HS6ST3: variants seen among roughly 807,000 people sequenced by gnomAD.
HS6ST3 encodes the protein heparan sulfate 6-O-sulfotransferase 3, also known as heparan-sulfate 6-O-sulfotransferase 3.
Under a neutral mutation model 36.7 loss-of-function variants are expected in HS6ST3, and 12 were observed. The observed-to-expected ratio is 0.33, with a 90% CI of 0.21 to 0.53. The LOEUF is 0.53. Among genes scored for constraint, HS6ST3 ranks in the 20% least tolerant of loss-of-function variants. The pLI, the probability that HS6ST3 is intolerant of heterozygous loss-of-function variation, is 0.95. For synonymous variants in HS6ST3, 240 were observed against 257.5 expected (o/e 0.93, Z 0.65); for missense variants, 584 against 640.9 (o/e 0.91, Z 0.96).
intron 1 of HS6ST3, among the ~76,000 whole-genome samples, chr13:96,625,840 C>T (rs1031266470): frequency 8.5e-5 from 12 of 141,722 alleles, no homozygotes; most frequent in Non-Finnish European, 1.4e-4. Flanking sequence ...AATTCTTCTT[C>T]TTTTTTTTTT....
At chr13:96,360,189 G>A (rs2055230789) in intron 1 of HS6ST3, among the ~76,000 whole-genome samples, 1 of 152,050 alleles carries the variant, frequency 6.6e-6, no homozygotes, top group Admixed American at 6.6e-5. Context: ...ACAGCAGCAG[G>A]GGACCTTCCT....
chr13:96,535,483 G>A (rs1255924263), intron 1 of HS6ST3, among the ~76,000 whole-genome samples: 3 of 149,230 alleles, frequency 2.0e-5, no homozygotes, highest in East Asian at 2.0e-4. Context: ...TCTTGAACCC[G>A]GGAGATGGAG....
In HS6ST3 at chr13:96,573,838, G is replaced by C. The variant is rs923322615; in HGVS notation, c.708-258652G>C. On this transcript the variant is annotated intron_variant, in intron 1 of 1. Coordinates refer to ENST00000376705, the MANE Select transcript of HS6ST3 (RefSeq NM_153456.4). Reference sequence around the variant, plus strand: ...TTGGACTTAACTCTGGGACCTGGAAGTGCTCCCATCACACGAATGAATCCA... The same window carrying C: ...TTGGACTTAACTCTGGGACCTGGAACTGCTCCCATCACACGAATGAATCCA... 1.2e-5 allele frequency: 5 copies of C among 420,794 alleles called. No homozygotes were observed. In the East Asian group the frequency reaches 3.0e-4, roughly 26 times the overall value. 26.1% of individuals were successfully genotyped at this position (420,794 alleles called of 1,614,324 possible).
At chr13:96,729,204 AT>A (rs750485564) in intron 1 of HS6ST3, among the ~76,000 whole-genome samples, 1 of 152,092 alleles carries the variant, frequency 6.6e-6, no homozygotes, top group Non-Finnish European at 1.5e-5. Context: ...CCTTTAGGGT[AT>A]TAAATAGAAC....
intron 1 of HS6ST3, among the ~76,000 whole-genome samples, chr13:96,117,416 C>T (rs567597411): frequency 6.6e-6 from 1 of 152,050 alleles, no homozygotes; most frequent in South Asian, 2.1e-4. Flanking sequence ...ATAAAGAAAA[C>T]CAGTTGTAAT....
chr13:96,098,121 A>G (rs934693515), intron 1 of HS6ST3, among the ~76,000 whole-genome samples: 1 of 152,220 alleles, frequency 6.6e-6, no homozygotes, highest in Non-Finnish European at 1.5e-5. Flanking sequence ...TTGTTGGACT[A>G]TTGAGGAGGT....
intron 1 of HS6ST3, among the ~76,000 whole-genome samples, chr13:96,624,515 C>T (rs561587674): frequency 3.4e-4 from 51 of 152,036 alleles, no homozygotes; most frequent in African/African-American, 1.0e-3. Context: ...TGTGTAATGC[C>T]GAGCTTTAGG....
At chr13:96,177,800 T>TA (rs2054219590) in intron 1 of HS6ST3, among the ~76,000 whole-genome samples, 8 of 148,778 alleles carry the variant, frequency 5.4e-5, no homozygotes, top group African/African-American at 2.0e-4. Context: ...TAAATAAAAT[T>TA]AAAAAAATAA....
At chr13:96,397,163 A>G (rs2055426337) in intron 1 of HS6ST3, among the ~76,000 whole-genome samples, 1 of 152,224 alleles carries the variant, frequency 6.6e-6, no homozygotes, top group Non-Finnish European at 1.5e-5. Context: ...AGATCGCCCC[A>G]CTGCACTCCA....
rs148546090 is a variant in HS6ST3, at chr13:96,659,154, C to T, written c.708-173336C>T. On this transcript the variant is annotated intron_variant, in intron 1 of 1. Coordinates refer to ENST00000376705, the MANE Select transcript of HS6ST3 (RefSeq NM_153456.4). The stretch of plus-strand genomic sequence containing the variant: ...TTCCTTTAGCAAGATATGAATGGTC[C>T]AGTTACTCTGCATTATTGCCAACAA... 7.9e-3 allele frequency among the ~76,000 whole-genome samples: 1,210 copies of T among 152,232 alleles called. 16 individuals are homozygous for T. The highest frequency in any genetic ancestry group is 0.027 in the African/African-American group (1,108 of 41,532).
chr13:96,416,622 A>G (rs2055534051), intron 1 of HS6ST3, among the ~76,000 whole-genome samples: 1 of 151,920 alleles, frequency 6.6e-6, no homozygotes, highest in East Asian at 1.9e-4. Context: ...AGGTAGTTAC[A>G]AAAAAGAATC....
intron 1 of HS6ST3, among the ~76,000 whole-genome samples, chr13:96,541,602 T>A (rs573155874): frequency 6.6e-6 from 1 of 152,150 alleles, no homozygotes; most frequent in Non-Finnish European, 1.5e-5. Context: ...CTGGGAGCTA[T>A]GATTACAGGT....
At chr13:96,781,668 A>T in intron 1 of HS6ST3, among the ~76,000 whole-genome samples, 1 of 152,234 alleles carries the variant, frequency 6.6e-6, no homozygotes, top group East Asian at 1.9e-4. Flanking sequence ...AAATGAAAAT[A>T]TATCAATAAT....
chr13:96,202,968 C>T (rs907534589), intron 1 of HS6ST3, among the ~76,000 whole-genome samples: 7 of 152,144 alleles, frequency 4.6e-5, no homozygotes, highest in Non-Finnish European at 1.0e-4. Context: ...ATAAAGGCCT[C>T]TTCCCATTCT....
At chr13:96,202,515 C>T (rs545937385) in intron 1 of HS6ST3, among the ~76,000 whole-genome samples, 1 of 152,288 alleles carries the variant, frequency 6.6e-6, no homozygotes, top group Admixed American at 6.5e-5. Context: ...CTGCTCACTG[C>T]CCTGTGATCA....
At chr13:96,691,084 C>G (rs1354579715) in intron 1 of HS6ST3, among the ~76,000 whole-genome samples, 2 of 152,096 alleles carry the variant, frequency 1.3e-5, no homozygotes, top group African/African-American at 4.8e-5. Flanking sequence ...AAACACATGA[C>G]TAGTAGCCTT....
intron 1 of HS6ST3, among the ~76,000 whole-genome samples, chr13:96,256,552 T>C (rs2054638514): frequency 6.6e-6 from 1 of 152,214 alleles, no homozygotes; most frequent in African/African-American, 2.4e-5. Context: ...AGCCAGCTGG[T>C]AGTACATGCC....
intron 1 of HS6ST3, among the ~76,000 whole-genome samples, chr13:96,432,519 AC>A (rs1276824353): frequency 6.6e-6 from 1 of 152,150 alleles, no homozygotes; most frequent in Non-Finnish European, 1.5e-5. Context: ...GGAGTTATTT[AC>A]TGTTTTGTGG....
chr13:96,593,003 T>C (rs1341486007), intron 1 of HS6ST3, among the ~76,000 whole-genome samples: 2 of 152,040 alleles, frequency 1.3e-5, no homozygotes, highest in African/African-American at 4.8e-5. Flanking sequence ...TTCTCTGTTA[T>C]TATTCCTTTA....
Sources: gnomAD v4.1 joint callset for allele counts (sites outside exome capture counted in the v4.1 genomes callset) on GRCh38, gnomAD v4.1.1 for gene constraint, MANE v1.5 for transcripts, NCBI Gene and HGNC (gene_info 2026-07-23, HGNC 2026-07-21) for gene names.